The following RASGEF1B variants were observed in gnomAD, a reference collection of about 807,000 sequenced individuals.
The protein encoded by RASGEF1B is ras-GEF domain-containing family member 1B.
RASGEF1B carries 30 observed loss-of-function variants against 65.7 expected under a neutral mutation model. The ratio of observed to expected loss-of-function variants is 0.46; its 90% CI spans 0.34 to 0.62. The LOEUF (loss-of-function observed/expected upper bound fraction) is 0.62. RASGEF1B is among the 20% of genes least tolerant of loss of function. The pLI is 0.01. For missense variants in RASGEF1B, 495 were observed against 580.1 expected (o/e 0.85, Z 1.51); for synonymous variants, 175 against 194.8 (o/e 0.90, Z 0.85).
At chr4:81,458,043 TAAC>T (rs1722509481) in intron 2 of RASGEF1B, among the ~76,000 whole-genome samples, 1 of 152,088 alleles carries the variant, frequency 6.6e-6, no homozygotes, top group South Asian at 2.1e-4. Context: ...AAATAAAAAA[TAAC>T]AACAAAAAAA....
chr4:81,444,893 G>T (rs951158925), intron 8 of RASGEF1B, among the ~76,000 whole-genome samples: 2 of 152,152 alleles, frequency 1.3e-5, no homozygotes, highest in African/African-American at 4.8e-5. Context: ...CCATATAATT[G>T]ATCATACAAA....
rs539066367 is a variant in RASGEF1B at position 81,466,513 on chromosome 4, T to A, written c.-7+5257A>T. On this transcript the variant is annotated intron_variant, in intron 1 of 13. Coordinates refer to ENST00000264400, the MANE Select transcript of RASGEF1B (RefSeq NM_152545.3). ...GGTGGCTCACGCCTGTAATCCCAGC[T>A]CTTTGGGAGGCTGAGGTGGGCAGAT... Among the ~76,000 whole-genome samples, 15 of 151,964 alleles carry A rather than the reference T, an allele frequency of 9.9e-5. No homozygotes were observed. In the South Asian group the frequency reaches 1.2e-3, roughly 13 times the overall value.
intron 10 of RASGEF1B, among the ~76,000 whole-genome samples, chr4:81,436,464 G>A (rs1721635745): frequency 6.6e-6 from 1 of 152,098 alleles, no homozygotes. Context: ...GGCTTGATGA[G>A]GTGGTATTTA....
intron 13 of RASGEF1B, among the ~76,000 whole-genome samples, chr4:81,430,592 T>C (rs891362245): frequency 3.3e-5 from 5 of 152,222 alleles, no homozygotes; most frequent in East Asian, 1.9e-4. Flanking sequence ...CTCTAGAGGT[T>C]TGAGCAGCAG....
intron 13 of RASGEF1B, among the ~76,000 whole-genome samples, chr4:81,428,216 G>C (rs370623352): frequency 6.6e-6 from 1 of 152,218 alleles, no homozygotes; most frequent in Non-Finnish European, 1.5e-5. Context: ...TCTGCCGTCA[G>C]AGGTGTATCT....
At chr4:81,427,874 A>C in intron 13 of RASGEF1B, 82 bp from the exon 14 acceptor site, 3 of 1,322,496 alleles carry the variant, frequency 2.3e-6, no homozygotes, top group Non-Finnish European at 3.1e-6. Context: ...TGTAATACTA[A>C]TTTTATCTTT....
At chr4:81,466,935 C>CT in intron 1 of RASGEF1B, among the ~76,000 whole-genome samples, 1 of 123,532 alleles carries the variant, frequency 8.1e-6, no homozygotes, top group Non-Finnish European at 1.6e-5. Context: ...TGCTTACCTC[C>CT]TTAAAAAAAA....
At chr4:81,458,374 G>A (rs1722525259) in intron 2 of RASGEF1B, among the ~76,000 whole-genome samples, 1 of 152,064 alleles carries the variant, frequency 6.6e-6, no homozygotes, top group Non-Finnish European at 1.5e-5. Flanking sequence ...CTGAACAAGG[G>A]ATTCCTTTTA....
chr4:81,469,281 T>G (rs1481028780), intron 1 of RASGEF1B, among the ~76,000 whole-genome samples: 3 of 152,176 alleles, frequency 2.0e-5, no homozygotes, highest in African/African-American at 7.2e-5. Context: ...GATTCTAGAT[T>G]CTTCTCCCAA....
intron 4 of RASGEF1B, chr4:81,456,259 T>C (rs1722437044): frequency 3.8e-6 from 2 of 522,164 alleles, no homozygotes; most frequent in Non-Finnish European, 6.7e-6. Flanking sequence ...CCTCGGTTAA[T>C]AGAATAATGT....
chr4:81,433,120 C>A (rs1721491438), intron 12 of RASGEF1B, among the ~76,000 whole-genome samples: 1 of 150,682 alleles, frequency 6.6e-6, no homozygotes. Context: ...TCCCAGCTAT[C>A]TGGAAGGCTA....
intron 9 of RASGEF1B, 55 bp from the exon 10 acceptor site, chr4:81,440,984 G>A: frequency 3.3e-6 from 4 of 1,208,754 alleles, no homozygotes; most frequent in Non-Finnish European, 4.8e-6. Flanking sequence ...AACTTCTGTA[G>A]GAAGTTTATA....
Position 81,427,601 on chromosome 4 carries a change from G to A in RASGEF1B, c.*167C>T. 1 of 575,268 alleles carries A rather than the reference G, an allele frequency of 1.7e-6. No homozygotes were observed. 35.6% of individuals were successfully genotyped at this position (575,268 alleles called of 1,614,324 possible). On this transcript the variant is annotated 3_prime_UTR_variant, in exon 14 of 14. Coordinates refer to ENST00000264400, the MANE Select transcript of RASGEF1B (RefSeq NM_152545.3). Reference sequence around the variant, plus strand: ...TCTATCTGTCAGCTGCAGGAAATAAGTTCTCCATCTGGTCTTGAGTGAGCT... The same window carrying A: ...TCTATCTGTCAGCTGCAGGAAATAAATTCTCCATCTGGTCTTGAGTGAGCT...
At chr4:81,470,895 C>CA (rs1722997953) in intron 1 of RASGEF1B, 2 of 152,672 alleles carry the variant, frequency 1.3e-5, no homozygotes, top group African/African-American at 4.8e-5. Context: ...TCCATACACA[C>CA]ACACAAAGGC....
chr4:81,434,569 G>C (rs1721542370), intron 11 of RASGEF1B, 70 bp downstream of exon 11: 3 of 857,060 alleles, frequency 3.5e-6, no homozygotes, highest in Admixed American at 1.8e-5. Flanking sequence ...GCCTGGCCAG[G>C]AATGCGGTGC....
intron 4 of RASGEF1B, 42 bp from the exon 5 acceptor site, chr4:81,448,326 T>A (rs1178910971): frequency 5.2e-6 from 8 of 1,550,574 alleles, no homozygotes; most frequent in Non-Finnish European, 7.1e-6. Context: ...TCTGCGTGTC[T>A]GGTTTTGCCA....
chr4:81,456,765 G>T lies in RASGEF1B; in HGVS notation c.324C>A (p.Pro108=), dbSNP rs1026170006. The T allele has an allele frequency of 1.2e-6, 2 of 1,611,692 alleles. No homozygotes were observed. Among genetic ancestry groups the T allele is most frequent in the Non-Finnish European group, 1.7e-6 (2 of 1,179,056 alleles). The change falls in exon 4 of 14, where the codon CCC becomes CCA. Residue 108 remains proline, a synonymous_variant. Coordinates refer to ENST00000264400, the MANE Select transcript of RASGEF1B (RefSeq NM_152545.3). ...SDKNQMRKIA[P]KILQLLTEWT... ...ATTCCGTGAGGAGTTGAAGGATTTTGGGTGCAATTTTTCTCATCTGGTTCT... is the reference window on the plus strand; with the variant it reads ...ATTCCGTGAGGAGTTGAAGGATTTTTGGTGCAATTTTTCTCATCTGGTTCT...
At chr4:81,429,304 A>G (rs1721335606) in intron 13 of RASGEF1B, among the ~76,000 whole-genome samples, 1 of 152,178 alleles carries the variant, frequency 6.6e-6, no homozygotes, top group African/African-American at 2.4e-5. Context: ...GAACACCAAC[A>G]CAGATGAGAG....
chr4:81,450,378 C>G (rs1722210124), intron 4 of RASGEF1B, among the ~76,000 whole-genome samples: 2 of 138,400 alleles, frequency 1.4e-5, no homozygotes, highest in South Asian at 4.2e-4. Flanking sequence ...GACTGATTGA[C>G]TGACTGAGAC....
Sources: allele counts gnomAD v4.1 joint callset (sites outside exome capture counted in the v4.1 genomes callset), GRCh38; gene constraint gnomAD v4.1.1; transcripts MANE v1.5; gene names NCBI Gene and HGNC (gene_info 2026-07-23, HGNC 2026-07-21).